Variants in ABTB2 observed in about 807,000 individuals in gnomAD.
The protein encoded by ABTB2 is ankyrin repeat and BTB domain containing 2.
A neutral mutation model predicts 104.1 loss-of-function variants in ABTB2; 56 were observed. The ratio of observed to expected loss-of-function variants is 0.54; its 90% CI spans 0.43 to 0.67. ABTB2 has a LOEUF of 0.67. Ranked by LOEUF, ABTB2 falls within the 30% of genes least tolerant of loss-of-function variation. ABTB2 has a pLI of 0.00. For synonymous variants in ABTB2, 606 were observed against 608.2 expected (o/e 1.00, Z 0.05); for missense variants, 1,279 against 1,407.7 (o/e 0.91, Z 1.46).
In ABTB2 at chr11:34,171,063, T is replaced by C; in HGVS notation, c.1406A>G (p.His469Arg). Residue 469 changes from histidine (H) to arginine (R), a missense_variant, in exon 5 of 17, where the codon CAC (histidine) becomes CGC (arginine). His to Arg is a conservative substitution (Grantham distance 29). Coordinates refer to ENST00000435224, the MANE Select transcript of ABTB2 (RefSeq NM_145804.3). Reference sequence around the variant, plus strand: ...CAGCCTCCGGAAGGAACTGAAACAGTGTTCGGGTCTGCCCAGAAGAGACCC... The same window carrying C: ...CAGCCTCCGGAAGGAACTGAAACAGCGTTCGGGTCTGCCCAGAAGAGACCC... ...DCEPRQLKPE[H>R]CFSSFRRLDA... The C allele has an allele frequency of 1.2e-6, 2 of 1,614,062 alleles. No individual in the cohort carries two copies. The highest frequency in any genetic ancestry group is 8.5e-7 in the Non-Finnish European group (1 of 1,179,962).
intron 1 of ABTB2, among the ~76,000 whole-genome samples, chr11:34,283,435 C>T (rs533680528): frequency 3.0e-4 from 45 of 152,218 alleles, no homozygotes; most frequent in Non-Finnish European, 5.4e-4. Flanking sequence ...AGGCTGATCT[C>T]GAACTCCTGA....
intron 1 of ABTB2, among the ~76,000 whole-genome samples, chr11:34,276,058 C>T (rs1464946840): frequency 1.3e-5 from 2 of 152,096 alleles, no homozygotes; most frequent in Admixed American, 1.3e-4. Context: ...ATAGAAATGG[C>T]ATTTGGGTAT....
In ABTB2 at chr11:34,351,652, C is replaced by T. The variant is rs549120266; in HGVS notation, c.883+5049G>A. Among the ~76,000 whole-genome samples, 20 of 152,248 alleles carry T rather than the reference C, an allele frequency of 1.3e-4. 1 individual carries two copies. Among genetic ancestry groups the T allele is most frequent in the African/African-American group, 4.6e-4 (19 of 41,524 alleles). On this transcript the variant is annotated intron_variant, in intron 1 of 16. Transcript: ENST00000435224. ...AAATACAAATTTTAAACCTGTATGG[C>T]GGGATCTATCATTTGCCCATCATTT...
intron 1 of ABTB2, among the ~76,000 whole-genome samples, chr11:34,297,790 ATAAAG>A (rs1854641640): frequency 8.9e-6 from 1 of 112,966 alleles, no homozygotes; most frequent in African/African-American, 4.1e-5. Flanking sequence ...AAAAATAAAA[ATAAAG>A]GAAAGAAAAA....
chr11:34,217,453 T>C (rs1260732566), intron 1 of ABTB2, among the ~76,000 whole-genome samples: 1 of 150,890 alleles, frequency 6.6e-6, no homozygotes, highest in Non-Finnish European at 1.5e-5. Flanking sequence ...TGTGTAGATA[T>C]AAGTTTTTTT....
At chr11:34,258,946 G>A (rs1212365415) in intron 1 of ABTB2, among the ~76,000 whole-genome samples, 1 of 150,790 alleles carries the variant, frequency 6.6e-6, no homozygotes, top group Admixed American at 6.6e-5. Context: ...TATGCGTGTG[G>A]TAGTGGTGGG....
chr11:34,245,128 A>G (rs1456310803), intron 1 of ABTB2, among the ~76,000 whole-genome samples: 2 of 152,240 alleles, frequency 1.3e-5, no homozygotes, highest in Non-Finnish European at 2.9e-5. Context: ...TATTATTATA[A>G]TGGCTGATAA....
intron 1 of ABTB2, among the ~76,000 whole-genome samples, chr11:34,263,496 G>T (rs1328201344): frequency 6.6e-6 from 1 of 152,116 alleles, no homozygotes; most frequent in Admixed American, 6.5e-5. Flanking sequence ...ATAAACACAG[G>T]TCTGCTCAGG....
At chr11:34,312,379 A>C (rs1356794644) in intron 1 of ABTB2, among the ~76,000 whole-genome samples, 2 of 152,156 alleles carry the variant, frequency 1.3e-5, no homozygotes, top group African/African-American at 4.8e-5. Context: ...AAATTGGGCG[A>C]GTTTTCTGCA....
chr11:34,349,312 G>C (rs1855371760), intron 1 of ABTB2, among the ~76,000 whole-genome samples: 1 of 152,184 alleles, frequency 6.6e-6, no homozygotes, highest in South Asian at 2.1e-4. Context: ...AGCTCAGAGG[G>C]TGAGATCTAA....
intron 1 of ABTB2, among the ~76,000 whole-genome samples, chr11:34,232,999 C>T (rs760811520): frequency 2.0e-5 from 3 of 151,336 alleles, no homozygotes; most frequent in Non-Finnish European, 2.9e-5. Flanking sequence ...CCAAATGCCC[C>T]GCAAAACATA....
rs1421791969 is a variant in ABTB2, at chr11:34,357,393, C to T, written c.191G>A (p.Arg64His). The change falls in exon 1 of 17, where the codon CGC becomes CAC. Residue 64 changes from arginine (R) to histidine (H), a missense_variant. By Grantham distance (29) the Arg-to-His change is conservative. Coordinates refer to ENST00000435224, the MANE Select transcript of ABTB2 (RefSeq NM_145804.3). ...GTTCACCGTGTCCCAGCTGTTGTGG[C>T]GGCTGTTCATGGAGCCGGAGTAGCA... is the stretch of plus-strand genomic sequence containing the variant. ...WWCYSGSMNS[R>H]HNSWDTVNTV... is the part of the protein sequence containing the mutation. The T allele has an allele frequency of 3.9e-6, 6 of 1,544,716 alleles. No individual in the cohort carries two copies. The highest frequency in any genetic ancestry group is 5.2e-6 in the Non-Finnish European group (6 of 1,143,134).
intron 12 of ABTB2, 76 bp from the exon 13 acceptor site, chr11:34,160,084 G>A: frequency 7.4e-7 from 1 of 1,354,642 alleles, no homozygotes; most frequent in East Asian, 2.3e-5. Flanking sequence ...GCTGTGAGGT[G>A]CGTGTCTGGG....
intron 3 of ABTB2, among the ~76,000 whole-genome samples, chr11:34,191,989 C>G (rs1853181448): frequency 6.6e-6 from 1 of 152,198 alleles, no homozygotes; most frequent in Non-Finnish European, 1.5e-5. Context: ...GTCCTAGGCC[C>G]TGTTCTAAAA....
At position 34,240,680 on chromosome 11, in the gene ABTB2, C is replaced by T. The variant is rs1853904412; in HGVS notation, c.884-35990G>A. On this transcript the variant is annotated intron_variant, in intron 1 of 16. Transcript: ENST00000435224. ...TGATCTCGGCTCACTGCAACCTCCA[C>T]CTCCCAGGTTCAAGTGATTCTCCTG... Among the ~76,000 whole-genome samples the T allele has an allele frequency of 2.0e-5, 3 of 151,704 alleles. 1 individual carries two copies. The South Asian group carries it at 6.3e-4, about 32-fold the overall frequency.
At chr11:34,242,786 T>C (rs1284367853) in intron 1 of ABTB2, among the ~76,000 whole-genome samples, 1 of 152,120 alleles carries the variant, frequency 6.6e-6, no homozygotes, top group Non-Finnish European at 1.5e-5. Context: ...AAGTGGCTCA[T>C]GCGGGCATTG....
intron 1 of ABTB2, among the ~76,000 whole-genome samples, chr11:34,318,141 G>C (rs1316262166): frequency 2.6e-5 from 4 of 151,898 alleles, no homozygotes; most frequent in African/African-American, 9.7e-5. Context: ...TAATTTTTTT[G>C]CATTTTTAGT....
At chr11:34,188,999 G>A (rs558248158) in intron 3 of ABTB2, among the ~76,000 whole-genome samples, 2 of 152,328 alleles carry the variant, frequency 1.3e-5, no homozygotes, top group Admixed American at 6.5e-5. Context: ...ACTCTGAGAG[G>A]TAAGATGATT....
chr11:34,270,155 G>A (rs1045400373), intron 1 of ABTB2, among the ~76,000 whole-genome samples: 5 of 152,226 alleles, frequency 3.3e-5, no homozygotes, highest in Admixed American at 2.0e-4. Context: ...AAATCCTGCC[G>A]CAGTCAGGGT....
Sources: gnomAD v4.1 joint callset for allele counts (sites outside exome capture counted in the v4.1 genomes callset) on GRCh38, gnomAD v4.1.1 for gene constraint, MANE v1.5 for transcripts, NCBI Gene and HGNC (gene_info 2026-07-23, HGNC 2026-07-21) for gene names.